ERCC8: variants seen among roughly 807,000 people sequenced by gnomAD.
The protein encoded by ERCC8 is DNA excision repair protein ERCC-8.
ERCC8 carries 52 observed loss-of-function variants against 54.9 expected under a neutral mutation model. The ratio of observed to expected loss-of-function variants is 0.95; its 90% confidence interval spans 0.76 to 1.19. ERCC8 has a LOEUF of 1.19. Among genes scored for constraint, ERCC8 ranks in the 50% most tolerant of loss-of-function variants. The pLI is 0.00. For synonymous variants in ERCC8, 146 were observed against 157.2 expected, an observed-to-expected ratio of 0.93 and a Z score of 0.53; for missense variants, 514 against 466.1, an observed-to-expected ratio of 1.10 and a Z score of -0.95.
At chr5:60,893,493 C>G (rs563566732) in intron 9 of ERCC8, 1 of 902,898 alleles carries the variant, frequency 1.1e-6, no homozygotes, top group East Asian at 2.4e-5. Context: ...TTGGAGGTTG[C>G]TTTCTTCCCA....
At chr5:60,878,018 T>C (rs1399890620) in intron 11 of ERCC8, among the ~76,000 whole-genome samples, 2 of 152,236 alleles carry the variant, frequency 1.3e-5, no homozygotes, top group Non-Finnish European at 2.9e-5. Flanking sequence ...TTGTCATAGA[T>C]AGCTCTTGTT....
chr5:60,903,369 TTAG>T, intron 6 of ERCC8: 2 of 379,928 alleles, frequency 5.3e-6, no homozygotes, highest in Non-Finnish European at 9.6e-6. Context: ...GTGAGTTGCA[TTAG>T]TCTTTTTAAT....
intron 3 of ERCC8, among the ~76,000 whole-genome samples, chr5:60,921,099 A>G (rs1406029239): frequency 6.6e-6 from 1 of 151,902 alleles, no homozygotes; most frequent in Non-Finnish European, 1.5e-5. Context: ...ATAGTATTTC[A>G]TTTAATTCTC....
intron 8 of ERCC8, among the ~76,000 whole-genome samples, chr5:60,898,795 G>GGA (rs1554073134): frequency 4.1e-5 from 6 of 147,320 alleles, no homozygotes; most frequent in African/African-American, 1.5e-4. Context: ...GTTTTCCATT[G>GGA]AAAAAAAAAA....
At chr5:60,922,252 T>C in intron 2 of ERCC8, 97 bp from the exon 3 acceptor site, 1 of 753,356 alleles carries the variant, frequency 1.3e-6, no homozygotes, top group South Asian at 1.5e-5. Context: ...TTGCAAACAC[T>C]CAAATGTATT....
chr5:60,895,451 C>T (rs1218682056), intron 9 of ERCC8, among the ~76,000 whole-genome samples: 2 of 151,596 alleles, frequency 1.3e-5, no homozygotes, highest in African/African-American at 2.4e-5. Flanking sequence ...TTTTTTTTGC[C>T]CCTTATGAAT....
intron 4 of ERCC8, among the ~76,000 whole-genome samples, chr5:60,916,835 C>A (rs2112514489): frequency 6.6e-6 from 1 of 152,006 alleles, no homozygotes; most frequent in South Asian, 2.1e-4. Flanking sequence ...TGTTAGTCAT[C>A]CCTAAAGCAT....
rs754931194 is a variant in ERCC8, at chr5:60,944,946, T to C, written c.63A>G (p.Ala21=). The change falls in exon 1 of 12, where the codon GCA becomes GCG. Residue 21 remains alanine, a synonymous_variant. Transcript: ENST00000676185. Reference sequence around the variant, plus strand: ...GTTTTCTTTACCTCCGTGTTGACTCTGCTCTCCGAAGGCGAAGAGGGTCCT... The same window carrying C: ...GTTTTCTTTACCTCCGTGTTGACTCCGCTCTCCGAAGGCGAAGAGGGTCCT... ...GLEDPLRLRR[A]ESTRRVLGLE... is the part of the protein sequence containing the mutation. The C allele has an allele frequency of 4.3e-6, 7 of 1,613,864 alleles. No individual in the cohort carries two copies. The East Asian group carries it at 8.9e-5, about 21-fold the overall frequency.
chr5:60,883,355 A>G (rs1748301455), intron 11 of ERCC8, among the ~76,000 whole-genome samples: 1 of 152,226 alleles, frequency 6.6e-6, no homozygotes, highest in Non-Finnish European at 1.5e-5. Flanking sequence ...ACACATTACC[A>G]TTTGAGACCC....
chr5:60,939,408 C>A (rs1750189761), intron 1 of ERCC8, among the ~76,000 whole-genome samples: 1 of 152,052 alleles, frequency 6.6e-6, no homozygotes, highest in African/African-American at 2.4e-5. Context: ...TAAAATATTT[C>A]TATGGACCTT....
In ERCC8 at chr5:60,873,491, A is replaced by T. The variant is rs1301578048; in HGVS notation, c.*1124T>A. ...GCAGTTCGCAACCAGCCTGGCCAAC[A>T]TGGTGAAACCCCATCTCTACTGAAA... is the stretch of plus-strand genomic sequence containing the variant. On this transcript the variant is annotated 3_prime_UTR_variant, in exon 12 of 12. Transcript: ENST00000676185. 6.6e-6 allele frequency among the ~76,000 whole-genome samples: 1 copy of T among 152,108 alleles called. No homozygotes were observed. Among genetic ancestry groups the T allele is most frequent in the African/African-American group, 2.4e-5 (1 of 41,424 alleles).
At chr5:60,876,147 G>A (rs529286041) in intron 11 of ERCC8, among the ~76,000 whole-genome samples, 1 of 152,026 alleles carries the variant, frequency 6.6e-6, no homozygotes, top group South Asian at 2.1e-4. Context: ...TTTTGTCCTT[G>A]CAATAGTTTG....
chr5:60,890,943 CAT>C lies in ERCC8; in HGVS notation c.985_986del (p.Met329AlafsTer2). 1 of 1,613,608 alleles carries C rather than the reference CAT, an allele frequency of 6.2e-7. No individual in the cohort carries two copies. The highest frequency in any genetic ancestry group is 8.5e-7 in the Non-Finnish European group (1 of 1,179,746). Reference protein sequence around the residue: ...YTVYSGEQITMLKGHYKTVDC... With the variant: ...YTVYSGEQITXLKGHYKTVDC... ...CAACAGTTTTATAATGTCCCTTAAG[CAT>C]AGTTATCTGTTCTCCTGAGTAAACT... On this transcript the variant is annotated frameshift_variant, in exon 10 of 12. Transcript: ENST00000676185. LOFTEE classifies it high-confidence loss of function.
At chr5:60,933,279 T>C (rs1302318735) in intron 1 of ERCC8, among the ~76,000 whole-genome samples, 1 of 135,954 alleles carries the variant, frequency 7.4e-6, no homozygotes, top group African/African-American at 2.7e-5. Context: ...AGTGCTGTGG[T>C]GCAATCTCGG....
In ERCC8 at chr5:60,874,533, C is replaced by G; in HGVS notation, c.*82G>C. 1 of 1,211,196 alleles carries G rather than the reference C, an allele frequency of 8.3e-7. No individual in the cohort carries two copies. The highest frequency in any genetic ancestry group is 1.2e-6 in the Non-Finnish European group (1 of 829,908). 75.0% of individuals were successfully genotyped at this position (1,211,196 alleles called of 1,614,324 possible). A position where few individuals can be genotyped will look rare whatever the true frequency, so the allele number is the denominator to read the frequency against. On this transcript the variant is annotated 3_prime_UTR_variant, in exon 12 of 12. Transcript: ENST00000676185. The stretch of plus-strand genomic sequence containing the variant: ...CCACATTTAGGGCTAATTTAGCTGT[C>G]AGGAATAGACCATACAGTTGAAAAA...
intron 9 of ERCC8, chr5:60,892,715 G>C (rs1021328054): frequency 1.4e-6 from 1 of 690,358 alleles, no homozygotes; most frequent in African/African-American, 1.8e-5. Flanking sequence ...AGTTATGCAG[G>C]ATGGTGCCCA....
intron 1 of ERCC8, among the ~76,000 whole-genome samples, chr5:60,931,276 G>A (rs191320538): frequency 1.0e-3 from 155 of 152,236 alleles, no homozygotes; most frequent in African/African-American, 1.7e-3. Flanking sequence ...ATATTTGGCT[G>A]AGCCGCATTT....
At chr5:60,934,571 A>T (rs1214878817) in intron 1 of ERCC8, among the ~76,000 whole-genome samples, 1 of 152,022 alleles carries the variant, frequency 6.6e-6, no homozygotes, top group Non-Finnish European at 1.5e-5. Flanking sequence ...AGTTTAATTA[A>T]GACCTATCTA....
chr5:60,892,874 T>C (rs1748606406), intron 9 of ERCC8: 2 of 700,998 alleles, frequency 2.9e-6, no homozygotes, highest in Non-Finnish European at 5.3e-6. Context: ...TCAGGCTGCT[T>C]TTCCCAATAT....
Sources: gnomAD v4.1 joint callset for allele counts (sites outside exome capture counted in the v4.1 genomes callset) on GRCh38, gnomAD v4.1.1 for gene constraint, MANE v1.5 for transcripts, NCBI Gene and HGNC (gene_info 2026-07-23, HGNC 2026-07-21) for gene names.